The following PPP4R3B variants were observed in gnomAD, a reference collection of about 807,000 sequenced individuals.
The protein encoded by PPP4R3B is serine/threonine-protein phosphatase 4 regulatory subunit 3B.
In PPP4R3B, 52 loss-of-function variants were observed where a neutral mutation model predicts 95.4. That is an observed-to-expected ratio of 0.54 (90% CI 0.44 to 0.69). The LOEUF (loss-of-function observed/expected upper bound fraction) is 0.69, where lower values mean the gene tolerates loss of function less well. Among genes scored for constraint, PPP4R3B ranks in the 30% least tolerant of loss-of-function variants. PPP4R3B has a pLI of 0.00. For synonymous variants in PPP4R3B, 407 were observed against 343.9 expected (o/e 1.18, Z -2.03); for missense variants, 1,003 against 1,005.9 (o/e 1.00, Z 0.04).
intron 13 of PPP4R3B, among the ~76,000 whole-genome samples, chr2:55,566,080 A>T (rs954561313): frequency 6.6e-6 from 1 of 151,208 alleles, no homozygotes; most frequent in African/African-American, 2.4e-5. Flanking sequence ...GCTTATTTTA[A>T]AAAAAAAAAT....
In PPP4R3B at chr2:55,598,589, C is replaced by G; in HGVS notation, c.748G>C (p.Glu250Gln). The change falls in exon 4 of 17, where the codon GAA (glutamate) becomes CAA (glutamine). Residue 250 changes from glutamate to glutamine, a missense_variant. Around this residue, in one of 3 missense-constraint regions of PPP4R3B, gnomAD observed 695 missense variants for 686.2 expected, o/e 1.01. Transcript: ENST00000616407. ...EFLTKTAKFK[E>Q]VIPITDSELR... ...TCAGAGTCTGTTATTGGTATAACTT[C>G]CTTGAACTTTGCAGTTTTGGTCAAG... is the stretch of plus-strand genomic sequence containing the variant. 2 of 1,614,130 alleles carry G rather than the reference C, an allele frequency of 1.2e-6. No individual in the cohort carries two copies. Among genetic ancestry groups the G allele is most frequent in the Non-Finnish European group, 1.7e-6 (2 of 1,180,032 alleles).
chr2:55,581,700 T>A lies in PPP4R3B; in HGVS notation c.1234-2A>T. ...TACCACATTAATAAGAAGAATATCCTGGTGGCAAAACAAAACAAAACAAAA... is the reference window on the plus strand; with the variant it reads ...TACCACATTAATAAGAAGAATATCCAGGTGGCAAAACAAAACAAAACAAAA... On this transcript the variant is annotated splice_acceptor_variant, in intron 7 of 16. Coordinates refer to ENST00000616407, the MANE Select transcript of PPP4R3B (RefSeq NM_001122964.3). LOFTEE classifies it high-confidence loss of function. 1.2e-6 allele frequency: 2 copies of A among 1,610,828 alleles called. No homozygotes were observed. The highest frequency in any genetic ancestry group is 1.7e-6 in the Non-Finnish European group (2 of 1,179,084).
chr2:55,585,556 G>A (rs1240217067), intron 6 of PPP4R3B, among the ~76,000 whole-genome samples: 2 of 152,078 alleles, frequency 1.3e-5, no homozygotes, highest in South Asian at 2.1e-4. Flanking sequence ...TCTGCCTTTT[G>A]TCCTGATTTT....
intron 4 of PPP4R3B, among the ~76,000 whole-genome samples, chr2:55,594,507 TA>T (rs1691493860): frequency 6.6e-6 from 1 of 152,124 alleles, no homozygotes; most frequent in Admixed American, 6.6e-5. Context: ...AAACCTATTA[TA>T]AAATACATAA....
chr2:55,595,781 G>C (rs985997571), intron 4 of PPP4R3B, among the ~76,000 whole-genome samples: 2 of 146,814 alleles, frequency 1.4e-5, no homozygotes, highest in Admixed American at 1.4e-4. Context: ...CATCAAACTA[G>C]AAAAAGGAAA....
chr2:55,575,836 T>C (rs1688596311), intron 11 of PPP4R3B, among the ~76,000 whole-genome samples: 1 of 152,214 alleles, frequency 6.6e-6, no homozygotes, highest in South Asian at 2.1e-4. Flanking sequence ...TTATTTGAGA[T>C]TATATACATA....
chr2:55,606,716 G>A (rs1034618499), intron 2 of PPP4R3B, among the ~76,000 whole-genome samples: 13 of 151,238 alleles, frequency 8.6e-5, no homozygotes, highest in African/African-American at 2.9e-4. Context: ...CCAACTACTC[G>A]GGAGGCTGAG....
intron 3 of PPP4R3B, among the ~76,000 whole-genome samples, chr2:55,600,499 T>G (rs914522170): frequency 6.9e-6 from 1 of 145,792 alleles, no homozygotes; most frequent in Non-Finnish European, 1.5e-5. Flanking sequence ...AATATGGCGC[T>G]TACTGAAATT....
At chr2:55,550,133 A>T (rs1685080066) in intron 16 of PPP4R3B, 127 bp from the exon 17 acceptor site, 1 of 671,622 alleles carries the variant, frequency 1.5e-6, no homozygotes, top group African/African-American at 1.9e-5. Context: ...TTAACATTTG[A>T]ATTTGATAAA....
chr2:55,579,148 T>G (rs12986444), intron 9 of PPP4R3B, among the ~76,000 whole-genome samples: 33,818 of 152,016 alleles, frequency 0.22, 3,862 homozygotes, highest in East Asian at 0.3. Context: ...AAACAGAAAT[T>G]GCAGCTGATG....
At chr2:55,578,918 T>C (rs189354776) in intron 9 of PPP4R3B, among the ~76,000 whole-genome samples, 1 of 152,196 alleles carries the variant, frequency 6.6e-6, no homozygotes, top group Admixed American at 6.5e-5. Context: ...CTTATGTTAG[T>C]ATGTAGTATG....
Position 55,579,680 on chromosome 2 carries a change from C to T in PPP4R3B, c.1467G>A (p.Lys489=). 6.3e-7 allele frequency: 1 copy of T among 1,582,584 alleles called. No homozygotes were observed. Reference sequence around the variant, plus strand: ...AGCAGATAAATAAAGAGACCCTACCCTTTTCACATTTGTCTTCTGAAGTAT... The same window carrying T: ...AGCAGATAAATAAAGAGACCCTACCTTTTTCACATTTGTCTTCTGAAGTAT... ...LTNTSEDKCE[K]DFFLKHYRYS... is the part of the protein sequence containing the mutation. The change falls in exon 9 of 17, where the codon AAG becomes AAA. Residue 489 remains lysine (K), a splice_region_variant and synonymous_variant. Transcript: ENST00000616407.
intron 3 of PPP4R3B, among the ~76,000 whole-genome samples, chr2:55,600,201 C>T (rs980933344): frequency 5.9e-5 from 9 of 151,856 alleles, no homozygotes; most frequent in South Asian, 2.1e-4. Flanking sequence ...CCAAGTTGGG[C>T]GGATCACCTG....
intron 12 of PPP4R3B, among the ~76,000 whole-genome samples, chr2:55,571,626 T>G (rs1688007931): frequency 1.4e-5 from 2 of 144,090 alleles, no homozygotes; most frequent in Non-Finnish European, 2.9e-5. Context: ...AGGTTTTTTG[T>G]TTGTTTGTTT....
intron 13 of PPP4R3B, 35 bp from the exon 14 acceptor site, chr2:55,565,076 T>C (rs753284044): frequency 6.8e-7 from 1 of 1,470,894 alleles, no homozygotes; most frequent in Non-Finnish European, 9.1e-7. Context: ...TAAAATATAA[T>C]ACAATGCTTG....
At chr2:55,586,480 CTG>C in intron 6 of PPP4R3B, 136 bp downstream of exon 6, 1 of 516,212 alleles carries the variant, frequency 1.9e-6, no homozygotes, top group South Asian at 3.4e-5. Context: ...AAATCTGAAA[CTG>C]AAGATATTCT....
In PPP4R3B at chr2:55,558,959, C is replaced by T. The variant is rs778028348; in HGVS notation, c.2270G>A (p.Ser757Asn). Residue 757 changes from serine (S) to asparagine (N), a missense_variant, in exon 16 of 17, where the codon AGT (serine) becomes AAT (asparagine). Physicochemically the swap from Ser to Asn is conservative, Grantham distance 46 (BLOSUM62 1). Transcript: ENST00000616407. ...KFMETKKAKESEDKENLPKRT... is the reference protein window; with the variant it reads ...KFMETKKAKENEDKENLPKRT... ...TTTGGGAAGGTTTTCCTTGTCTTCA[C>T]TTTCTTTTGCTAAAGCAAAAGTAAA... is the stretch of plus-strand genomic sequence containing the variant. 1.9e-6 allele frequency: 3 copies of T among 1,604,670 alleles called. No individual in the cohort carries two copies. Among genetic ancestry groups the T allele is most frequent in the African/African-American group, 2.7e-5 (2 of 74,364 alleles).
At position 55,578,458 on chromosome 2, in the gene PPP4R3B, TA is replaced by T. The variant is rs967345019; in HGVS notation, c.1469-117del. The T allele has an allele frequency of 3.3e-5, 34 of 1,023,664 alleles. No individual in the cohort carries two copies. In the Admixed American group the frequency reaches 1.1e-3, roughly 34 times the overall value. 63.4% of individuals were successfully genotyped at this position (1,023,664 alleles called of 1,614,324 possible). A position where few individuals can be genotyped will look rare whatever the true frequency, so the allele number is the denominator to read the frequency against. ...TGGAAGTGTTTTATTAAAATGAACA[TA>T]AAAAATGCATTATTTTCATTTATAT... On this transcript the variant is annotated intron_variant, in intron 9 of 16. Transcript: ENST00000616407.
At position 55,547,526 on chromosome 2, in the gene PPP4R3B, G is replaced by C. The variant is rs966749074; in HGVS notation, c.*2385C>G. Reference sequence around the variant, plus strand: ...ATATTTTAAGCCTTGTTCTCTTATCGTCGTAGGTAAGCACTTGTACCATGA... The same window carrying C: ...ATATTTTAAGCCTTGTTCTCTTATCCTCGTAGGTAAGCACTTGTACCATGA... On this transcript the variant is annotated 3_prime_UTR_variant, in exon 17 of 17. Transcript: ENST00000616407. 1 of 152,116 alleles carries C rather than the reference G, an allele frequency of 6.6e-6. No individual in the cohort carries two copies. The highest frequency in any genetic ancestry group is 2.1e-4 in the South Asian group (1 of 4,826). The allele number at this position is 152,116 out of a possible 1,614,324, so 9.4% of individuals were successfully genotyped here.
Sources: allele counts gnomAD v4.1 joint callset (sites outside exome capture counted in the v4.1 genomes callset), GRCh38; gene constraint gnomAD v4.1.1; regional missense constraint gnomAD v4.1.1; transcripts MANE v1.5; gene names NCBI Gene and HGNC (gene_info 2026-07-23, HGNC 2026-07-21).